Variants in RBFOX3 observed in about 807,000 individuals in gnomAD.
RBFOX3 encodes RNA binding protein fox-1 homolog 3.
Under a neutral mutation model 48.7 loss-of-function variants are expected in RBFOX3, and 17 were observed. That is an observed-to-expected ratio of 0.35 (90% CI 0.24 to 0.52). RBFOX3 has a LOEUF of 0.52. RBFOX3 is among the 20% of genes least tolerant of loss of function. The pLI is 0.94. For synonymous variants in RBFOX3, 212 were observed against 209.5 expected (o/e 1.01, Z -0.10); for missense variants, 382 against 497.5 (o/e 0.77, Z 2.21).
rs1023136120 is a variant in RBFOX3, at chr17:79,222,248, G to A, written c.-34+13518C>T. 1.5e-4 allele frequency among the ~76,000 whole-genome samples: 22 copies of A among 151,288 alleles called. 1 individual carries two copies. The highest frequency in any genetic ancestry group is 6.6e-5 in the Admixed American group (1 of 15,224). The stretch of plus-strand genomic sequence containing the variant: ...TCTAAAGCCCTTTATGGCTCCCTGG[G>A]GATCCAACACTTTGTGCTAGCTCAT... On this transcript the variant is annotated intron_variant, in intron 4 of 14. Coordinates refer to ENST00000693108, the MANE Select transcript of RBFOX3 (RefSeq NM_001350451.2).
Position 79,323,696 on chromosome 17 carries a change from T to C in RBFOX3, c.-174-15872A>G, listed in dbSNP as rs747656346. ...CAGGATTACTGAAGAAGTAATGTCCTGCTCAGCTCTCTTCTGCCTTGGCCA... is the reference window on the plus strand; with the variant it reads ...CAGGATTACTGAAGAAGTAATGTCCCGCTCAGCTCTCTTCTGCCTTGGCCA... On this transcript the variant is annotated intron_variant, in intron 2 of 14. Coordinates refer to ENST00000693108, the MANE Select transcript of RBFOX3 (RefSeq NM_001350451.2). Among the ~76,000 whole-genome samples, 4 of 152,228 alleles carry C rather than the reference T, an allele frequency of 2.6e-5. No homozygotes were observed. The South Asian group carries it at 6.2e-4, about 24-fold the overall frequency.
chr17:79,334,096 C>G (rs2080819842), intron 2 of RBFOX3, among the ~76,000 whole-genome samples: 1 of 152,146 alleles, frequency 6.6e-6, no homozygotes, highest in Non-Finnish European at 1.5e-5. Flanking sequence ...CCTGATGATC[C>G]TTGAAACTGC....
intron 2 of RBFOX3, among the ~76,000 whole-genome samples, chr17:79,371,687 C>A (rs2058559953): frequency 6.6e-6 from 1 of 152,186 alleles, no homozygotes; most frequent in African/African-American, 2.4e-5. Flanking sequence ...CAGCAGCCCT[C>A]ACGCTCTTTC....
chr17:79,651,625 C>CCTCT, the RBFOX3 span, among the ~76,000 whole-genome samples: 2,312 of 97,742 alleles, frequency 0.024, 122 homozygotes, highest in African/African-American at 0.071. Flanking sequence ...TGCCCCCTTT[C>CCTCT]CTCTCTCTCT....
chr17:79,203,848 T>C (rs947253495), intron 4 of RBFOX3, among the ~76,000 whole-genome samples: 2 of 152,114 alleles, frequency 1.3e-5, no homozygotes, highest in African/African-American at 4.8e-5. Context: ...CCAATTACAA[T>C]TGACACCAAT....
intron 4 of RBFOX3, among the ~76,000 whole-genome samples, chr17:79,130,970 G>A (rs996532231): frequency 2.0e-5 from 3 of 152,254 alleles, no homozygotes; most frequent in Admixed American, 6.5e-5. Flanking sequence ...TGCTCTGCGT[G>A]CCCTGCGTGT....
At chr17:79,180,645 G>A (rs1329017144) in intron 4 of RBFOX3, among the ~76,000 whole-genome samples, 1 of 152,074 alleles carries the variant, frequency 6.6e-6, no homozygotes, top group Admixed American at 6.6e-5. Flanking sequence ...GGGATAAGCG[G>A]GTTCCCAAAC....
At chr17:79,213,846 C>T (rs8073623) in intron 4 of RBFOX3, among the ~76,000 whole-genome samples, 4,639 of 152,292 alleles carry the variant, frequency 0.03, 135 homozygotes, top group East Asian at 0.17. Context: ...ACTTTCCAGC[C>T]GGCCACACTC....
intron 4 of RBFOX3, among the ~76,000 whole-genome samples, chr17:79,177,456 T>G (rs2050833457): frequency 6.6e-6 from 1 of 152,132 alleles, no homozygotes; most frequent in African/African-American, 2.4e-5. Flanking sequence ...GGCACATTCA[T>G]TGCATGGCTG....
intron 4 of RBFOX3, among the ~76,000 whole-genome samples, chr17:79,182,934 C>G (rs1881107886): frequency 6.7e-6 from 1 of 150,362 alleles, no homozygotes; most frequent in African/African-American, 2.4e-5. Flanking sequence ...CAAAGTGACC[C>G]GGGCGCCGAG....
chr17:79,498,045 G>A (rs1285412784), intron 1 of RBFOX3, among the ~76,000 whole-genome samples: 2 of 152,206 alleles, frequency 1.3e-5, no homozygotes, highest in Non-Finnish European at 2.9e-5. Flanking sequence ...GACAGGAGAG[G>A]AGCAGAATGG....
chr17:79,225,230 C>T (rs933200895), intron 4 of RBFOX3, among the ~76,000 whole-genome samples: 2 of 151,998 alleles, frequency 1.3e-5, no homozygotes, highest in South Asian at 4.2e-4. Context: ...CTCAAGCTTC[C>T]TCCCTGGGCA....
intron 1 of RBFOX3, among the ~76,000 whole-genome samples, chr17:79,566,144 G>A (rs2144375086): frequency 6.6e-6 from 1 of 152,240 alleles, no homozygotes; most frequent in East Asian, 1.9e-4. Context: ...ACAGGGAGAA[G>A]GTGCTGATAG....
chr17:79,441,177 T>C (rs1417185899), intron 2 of RBFOX3, among the ~76,000 whole-genome samples: 1 of 152,158 alleles, frequency 6.6e-6, no homozygotes, highest in African/African-American at 2.4e-5. Flanking sequence ...GGAAATAAAC[T>C]TGGCCCAGAG....
At chr17:79,546,334 C>A (rs995907597) in intron 1 of RBFOX3, among the ~76,000 whole-genome samples, 3 of 152,324 alleles carry the variant, frequency 2.0e-5, no homozygotes, top group African/African-American at 7.2e-5. Context: ...TACAGACAGT[C>A]TCCCTTTTCA....
rs554155658 is a variant in RBFOX3 at position 79,311,036 on chromosome 17, G to A, written c.-174-3212C>T. 6.6e-6 allele frequency among the ~76,000 whole-genome samples: 1 copy of A among 152,132 alleles called. No individual in the cohort carries two copies. Among genetic ancestry groups the A allele is most frequent in the Non-Finnish European group, 1.5e-5 (1 of 68,036 alleles). On this transcript the variant is annotated intron_variant, in intron 2 of 14. Coordinates refer to ENST00000693108, the MANE Select transcript of RBFOX3 (RefSeq NM_001350451.2). The surrounding 1 kb of genome is among the most constrained non-coding windows in gnomAD (Gnocchi z 4.2). ...CACAGGATATGGCCTTTCTTAATGT[G>A]GGTGGGTGGGCTTCATCCAGTCAGT...
chr17:79,156,352 G>A (rs543494692), intron 4 of RBFOX3, among the ~76,000 whole-genome samples: 71 of 152,262 alleles, frequency 4.7e-4, no homozygotes, highest in Non-Finnish European at 2.8e-4. Context: ...AGCCTCCCGG[G>A]GCCTACACCA....
chr17:79,450,987 G>C (rs1555741290), intron 2 of RBFOX3, among the ~76,000 whole-genome samples: 1 of 152,172 alleles, frequency 6.6e-6, no homozygotes, highest in Non-Finnish European at 1.5e-5. Context: ...ATTAGAAGGG[G>C]GTGCAGCATT....
chr17:79,223,763 G>A (rs115983659), intron 4 of RBFOX3, among the ~76,000 whole-genome samples: 2,094 of 152,276 alleles, frequency 0.014, 42 homozygotes, highest in African/African-American at 0.047. Context: ...GTCCTGGGCC[G>A]TCGACACATT....
Sources: allele counts gnomAD v4.1 joint callset (sites outside exome capture counted in the v4.1 genomes callset), GRCh38; gene constraint gnomAD v4.1.1; non-coding constraint Gnocchi (gnomAD v3.1); transcripts MANE v1.5; gene names NCBI Gene and HGNC (gene_info 2026-07-23, HGNC 2026-07-21).